Variants in SENP2 observed in about 807,000 individuals in gnomAD.
SENP2 encodes sentrin-specific protease 2.
Under a neutral mutation model 86.3 loss-of-function variants are expected in SENP2, and 16 were observed. The ratio of observed to expected loss-of-function variants is 0.19; its 90% CI spans 0.13 to 0.28. SENP2 has a LOEUF of 0.28. SENP2 is among the 10% of genes least tolerant of loss of function. SENP2 has a pLI of 1.00. For synonymous variants in SENP2, 222 were observed against 238.7 expected, an observed-to-expected ratio of 0.93 and a Z score of 0.64; for missense variants, 552 against 703.0, an observed-to-expected ratio of 0.79 and a Z score of 2.43.
chr3:185,619,703 A>T (rs1371606346), intron 13 of SENP2, among the ~76,000 whole-genome samples: 1 of 151,562 alleles, frequency 6.6e-6, no homozygotes, highest in East Asian at 1.9e-4. Context: ...TTTATTCTTT[A>T]AAAAATTTTA....
At chr3:185,622,397 G>C (rs1233361079) in intron 14 of SENP2, among the ~76,000 whole-genome samples, 2 of 152,172 alleles carry the variant, frequency 1.3e-5, no homozygotes, top group Non-Finnish European at 2.9e-5. Flanking sequence ...GTAGTGACAT[G>C]AGTTGAGTGA....
rs1577711358 is a variant in SENP2 at position 185,586,341 on chromosome 3, G to A, written c.-73G>A. ...GGCGGTGGTGGTTAAGACGGCGAAG[G>A]CGGCAGCGGCGGCGACAGCTCTGGG... On this transcript the variant is annotated 5_prime_UTR_variant, in exon 1 of 17. Coordinates refer to ENST00000296257, the MANE Select transcript of SENP2 (RefSeq NM_021627.3). The surrounding 1 kb of genome is among the most constrained non-coding windows in gnomAD (Gnocchi z 4.3). The A allele has an allele frequency of 6.3e-6, 10 of 1,592,768 alleles. No individual in the cohort carries two copies. In the East Asian group the frequency reaches 2.0e-4, roughly 32 times the overall value.
intron 13 of SENP2, among the ~76,000 whole-genome samples, chr3:185,619,795 A>G (rs188214278): frequency 5.3e-5 from 8 of 152,094 alleles, no homozygotes; most frequent in Admixed American, 4.6e-4. Flanking sequence ...TGGTGTGATC[A>G]TAGCTCATTG....
At chr3:185,601,041 C>CTT (rs11315344) in intron 5 of SENP2, among the ~76,000 whole-genome samples, 186 bp downstream of exon 5, 48 of 75,516 alleles carry the variant, frequency 6.4e-4, no homozygotes, top group Middle Eastern at 0.016. Flanking sequence ...CTTTTCTTGT[C>CTT]TTTTTTTTTT....
In SENP2 at chr3:185,595,900, C is replaced by CAACGAT. The variant is rs1722158813; in HGVS notation, c.158-2511_158-2506dup. 2.0e-5 allele frequency among the ~76,000 whole-genome samples: 3 copies of CAACGAT among 151,104 alleles called. No individual in the cohort carries two copies. The South Asian group carries it at 6.3e-4, about 32-fold the overall frequency. Reference sequence around the variant, plus strand: ...ACTGCAACCTCTACCTCCCGGGTTCCAACGATTCTTCTGCTTTAGCCTCCC... The same window carrying CAACGAT: ...ACTGCAACCTCTACCTCCCGGGTTCCAACGATAACGATTCTTCTGCTTTAGCCTCCC... On this transcript the variant is annotated intron_variant, in intron 2 of 16. Transcript: ENST00000296257.
chr3:185,587,435 A>C (rs1477848732), intron 1 of SENP2, among the ~76,000 whole-genome samples: 1 of 152,048 alleles, frequency 6.6e-6, no homozygotes, highest in Non-Finnish European at 1.5e-5. Flanking sequence ...ACTCAGCCCC[A>C]AAAGCTATTC....
intron 2 of SENP2, among the ~76,000 whole-genome samples, chr3:185,593,266 CTGTTT>C (rs1163686764): frequency 6.6e-6 from 1 of 152,046 alleles, no homozygotes; most frequent in South Asian, 2.1e-4. Context: ...AATTATCGTT[CTGTTT>C]TGTTTTGTTT....
At chr3:185,623,302 G>T (rs551798964) in intron 14 of SENP2, among the ~76,000 whole-genome samples, 2 of 151,480 alleles carry the variant, frequency 1.3e-5, no homozygotes, top group Non-Finnish European at 2.9e-5. Flanking sequence ...CACCACGCCC[G>T]GCTAATTTTG....
At chr3:185,617,961 T>A (rs1340786667) in intron 12 of SENP2, among the ~76,000 whole-genome samples, 2 of 152,206 alleles carry the variant, frequency 1.3e-5, no homozygotes, top group Non-Finnish European at 2.9e-5. Flanking sequence ...GTTTTGTTTT[T>A]GAGACAGAGT....
chr3:185,591,244 G>C (rs894172084), intron 2 of SENP2, among the ~76,000 whole-genome samples: 2 of 151,786 alleles, frequency 1.3e-5, no homozygotes, highest in African/African-American at 4.8e-5. Flanking sequence ...ATCTTTTCTA[G>C]AGGTAACTAC....
At chr3:185,589,687 TA>T (rs1721913265) in intron 1 of SENP2, among the ~76,000 whole-genome samples, 1 of 152,206 alleles carries the variant, frequency 6.6e-6, no homozygotes, top group African/African-American at 2.4e-5. Flanking sequence ...TATTTCTTTT[TA>T]AAACAAGGTC....
chr3:185,624,047 C>A lies in SENP2; in HGVS notation c.1576C>A (p.Leu526Ile), dbSNP rs752444084. The change falls in exon 15 of 17, where the codon CTT (leucine) becomes ATT (isoleucine). Residue 526 changes from leucine (L) to isoleucine (I), a missense_variant. Coordinates refer to ENST00000296257, the MANE Select transcript of SENP2 (RefSeq NM_021627.3). ...GACCAAAAGAAATAGTGATCTGAAT[C>A]TTTTAGAGTGGACCCATCACAGCAT... is the stretch of plus-strand genomic sequence containing the variant. Reference protein sequence around the residue: ...SKTKRNSDLNLLEWTHHSMKP... With the variant: ...SKTKRNSDLNILEWTHHSMKP... 1.1e-5 allele frequency: 17 copies of A among 1,612,708 alleles called. No individual in the cohort carries two copies. The highest frequency in any genetic ancestry group is 1.6e-4 in the Middle Eastern group (1 of 6,082).
chr3:185,621,251 CAT>C (rs10553127), intron 13 of SENP2, among the ~76,000 whole-genome samples: 30,762 of 128,004 alleles, frequency 0.24, 4,284 homozygotes, highest in Middle Eastern at 0.32. Flanking sequence ...AAAAAAGTCT[CAT>C]CACTCTGAGA....
chr3:185,593,982 C>A (rs1215159157), intron 2 of SENP2, among the ~76,000 whole-genome samples: 1 of 152,070 alleles, frequency 6.6e-6, no homozygotes, highest in East Asian at 1.9e-4. Flanking sequence ...CCCGCCTCGG[C>A]TTCCCAAAGT....
chr3:185,600,062 G>T (rs955407131), intron 4 of SENP2, among the ~76,000 whole-genome samples: 1 of 152,312 alleles, frequency 6.6e-6, no homozygotes, highest in African/African-American at 2.4e-5. Flanking sequence ...CTCCCAAAGT[G>T]CTGGGATTAC....
Position 185,587,695 on chromosome 3 carries a change from T to G in SENP2, c.101+1181T>G, listed in dbSNP as rs188682802. ...CATTCTCCTGCCTCAGCCTCCCCAGTAGCTGGGACTACAGGCGCCCGCCAC... is the reference window on the plus strand; with the variant it reads ...CATTCTCCTGCCTCAGCCTCCCCAGGAGCTGGGACTACAGGCGCCCGCCAC... On this transcript the variant is annotated intron_variant, in intron 1 of 16. Coordinates refer to ENST00000296257, the MANE Select transcript of SENP2 (RefSeq NM_021627.3). 1.5e-3 allele frequency among the ~76,000 whole-genome samples: 227 copies of G among 147,464 alleles called. 4 individuals carry two copies. In the East Asian group the frequency reaches 0.036, roughly 24 times the overall value.
At chr3:185,597,143 C>T (rs559053846) in intron 2 of SENP2, among the ~76,000 whole-genome samples, 62 of 152,194 alleles carry the variant, frequency 4.1e-4, no homozygotes, top group African/African-American at 1.5e-3. Context: ...TGAGCAACCA[C>T]GCCCAGCAAA....
chr3:185,599,404 G>A (rs537980590), intron 4 of SENP2, among the ~76,000 whole-genome samples: 5 of 152,110 alleles, frequency 3.3e-5, no homozygotes, highest in Non-Finnish European at 5.9e-5. Flanking sequence ...TCTAGTTGGG[G>A]AGCAGCCTTA....
At position 185,632,224 on chromosome 3, in the gene SENP2, G is replaced by GTTTTTTTTTTGT. The variant is rs1712510244; in HGVS notation, c.*2390_*2391insGTTTTTTTTTTT. On this transcript the variant is annotated 3_prime_UTR_variant, in exon 17 of 17. Transcript: ENST00000296257. ...CATTAAAGCCAGTGGTTTTTTTTTT[G>GTTTTTTTTTTGT]TTTTTTTTTTTTGTTTTTTTTTTTT... 4.2e-5 allele frequency: 3 copies of GTTTTTTTTTTGT among 71,902 alleles called. No individual in the cohort carries two copies. Among genetic ancestry groups the GTTTTTTTTTTGT allele is most frequent in the African/African-American group, 1.7e-4 (3 of 17,932 alleles). The allele number at this position is 71,902 out of a possible 1,614,324, so 4.5% of individuals were successfully genotyped here.
Sources: allele counts gnomAD v4.1 joint callset (sites outside exome capture counted in the v4.1 genomes callset), GRCh38; gene constraint gnomAD v4.1.1; non-coding constraint Gnocchi (gnomAD v3.1); transcripts MANE v1.5; gene names NCBI Gene and HGNC (gene_info 2026-07-23, HGNC 2026-07-21).